ABCC9: variants seen among roughly 807,000 people sequenced by gnomAD.
ABCC9 encodes ATP-binding cassette sub-family C member 9.
ABCC9 carries 95 observed loss-of-function variants against 188.3 expected under a neutral mutation model. The ratio of observed to expected loss-of-function variants is 0.50; its 90% CI spans 0.43 to 0.60. The LOEUF is 0.60. ABCC9 is among the 20% of genes least tolerant of loss of function. ABCC9 has a pLI of 0.00. For synonymous variants in ABCC9, 659 were observed against 652.7 expected (o/e 1.01, Z -0.15); for missense variants, 1,102 against 1,876.3 (o/e 0.59, Z 7.62).
intron 34 of ABCC9, 31 bp downstream of exon 34, chr12:21,815,732 A>G (rs1565692277): frequency 1.2e-6 from 2 of 1,610,002 alleles, no homozygotes; most frequent in Non-Finnish European, 1.7e-6. Flanking sequence ...GGTTTTATGT[A>G]TACAACATAT....
At chr12:21,832,667 G>T (rs781452805) in intron 30 of ABCC9, among the ~76,000 whole-genome samples, 3 of 151,688 alleles carry the variant, frequency 2.0e-5, no homozygotes, top group Non-Finnish European at 4.4e-5. Context: ...CATTTACACT[G>T]CTAGTGGCAA....
At chr12:21,891,365 T>C (rs1162283791) in intron 14 of ABCC9, among the ~76,000 whole-genome samples, 1 of 151,512 alleles carries the variant, frequency 6.6e-6, no homozygotes, top group Non-Finnish European at 1.5e-5. Flanking sequence ...ATTTTATTAT[T>C]TTAGATAATA....
chr12:21,836,489 A>G (rs1944103543), intron 30 of ABCC9, among the ~76,000 whole-genome samples: 1 of 152,154 alleles, frequency 6.6e-6, no homozygotes, highest in Admixed American at 6.6e-5. Context: ...TATCTCCTGT[A>G]TCTGCCAGGT....
chr12:21,882,716 A>G, intron 16 of ABCC9, 50 bp downstream of exon 16: 1 of 1,474,776 alleles, frequency 6.8e-7, no homozygotes, highest in South Asian at 1.1e-5. Flanking sequence ...ACCATAAAAT[A>G]GTAACATAAA....
Position 21,895,284 on chromosome 12 carries a change from AG to A in ABCC9, c.1649del (p.Ala550ValfsTer7). The A allele has an allele frequency of 6.2e-7, 1 of 1,613,710 alleles. No individual in the cohort carries two copies. Among genetic ancestry groups the A allele is most frequent in the Non-Finnish European group, 8.5e-7 (1 of 1,179,636 alleles). ...AGAAAAAGTGTCTTACAGCAAGAAC[AG>A]CTGCTATGGGAATTGCTGCATTCAT... ...IFMNAAIPIA[A>X]VLATFVTHAY... On this transcript the variant is annotated frameshift_variant, in exon 13 of 40. Transcript: ENST00000261200. LOFTEE classifies it high-confidence loss of function.
At chr12:21,880,118 C>G (rs1376479806) in intron 16 of ABCC9, among the ~76,000 whole-genome samples, 5 of 151,114 alleles carry the variant, frequency 3.3e-5, no homozygotes, top group African/African-American at 1.2e-4. Context: ...TGATTTACTA[C>G]TAAATTTGGG....
chr12:21,857,615 T>G (rs541730290), intron 22 of ABCC9, among the ~76,000 whole-genome samples: 1 of 152,200 alleles, frequency 6.6e-6, no homozygotes, highest in Non-Finnish European at 1.5e-5. Context: ...CAGACAGGCT[T>G]AAACTAACTA....
intron 22 of ABCC9, among the ~76,000 whole-genome samples, chr12:21,858,661 G>A (rs1945350193): frequency 2.6e-5 from 4 of 152,140 alleles, no homozygotes; most frequent in Admixed American, 2.0e-4. Flanking sequence ...TTTTGAGGGG[G>A]AATAACTTTG....
intron 4 of ABCC9, among the ~76,000 whole-genome samples, 200 bp downstream of exon 4, chr12:21,933,582 G>A (rs1230214118): frequency 6.6e-6 from 1 of 152,064 alleles, no homozygotes; most frequent in Admixed American, 6.6e-5. Flanking sequence ...ATGTGTAAAT[G>A]TAGACAATCT....
At chr12:21,929,028 A>G (rs982251286) in intron 4 of ABCC9, among the ~76,000 whole-genome samples, 1 of 152,148 alleles carries the variant, frequency 6.6e-6, no homozygotes, top group African/African-American at 2.4e-5. Flanking sequence ...TCATTTTGAA[A>G]GACAGAAAAT....
chr12:21,836,891 A>G (rs554054409), intron 30 of ABCC9, among the ~76,000 whole-genome samples: 2 of 152,326 alleles, frequency 1.3e-5, no homozygotes, highest in South Asian at 4.1e-4. Flanking sequence ...CAAAGGAAAT[A>G]AAAAGGACAA....
chr12:21,858,422 A>T (rs189291895), intron 22 of ABCC9, among the ~76,000 whole-genome samples: 5 of 152,012 alleles, frequency 3.3e-5, no homozygotes, highest in Non-Finnish European at 7.4e-5. Flanking sequence ...AAAAATAAAA[A>T]AAAAAAAATA....
intron 15 of ABCC9, among the ~76,000 whole-genome samples, chr12:21,883,766 A>G (rs1946743326): frequency 1.3e-5 from 2 of 152,092 alleles, no homozygotes; most frequent in Admixed American, 6.5e-5. Context: ...TCATCAGGAG[A>G]TCCATAAGTC....
chr12:21,912,857 T>C lies in ABCC9; in HGVS notation c.1011+15A>G. The C allele has an allele frequency of 1.2e-6, 2 of 1,611,424 alleles. No homozygotes were observed. Among genetic ancestry groups the C allele is most frequent in the South Asian group, 2.2e-5 (2 of 90,990 alleles). On this transcript the variant is annotated intron_variant, in intron 8 of 39. Coordinates refer to ENST00000261200, the MANE Select transcript of ABCC9 (RefSeq NM_020297.4). ...ATCAATAATATGTTTCCATTGAAAATCACCAGGAACTTACTCCAGTTGTGT... is the reference window on the plus strand; with the variant it reads ...ATCAATAATATGTTTCCATTGAAAACCACCAGGAACTTACTCCAGTTGTGT...
At chr12:21,878,915 A>G (rs1254504154) in intron 16 of ABCC9, among the ~76,000 whole-genome samples, 3 of 152,176 alleles carry the variant, frequency 2.0e-5, no homozygotes, top group Admixed American at 2.0e-4. Context: ...GCAGGGTTAA[A>G]ATCCTGACTT....
chr12:21,830,644 T>C (rs1943701449), intron 30 of ABCC9, among the ~76,000 whole-genome samples: 2 of 152,226 alleles, frequency 1.3e-5, no homozygotes, highest in Admixed American at 1.3e-4. Flanking sequence ...ACGCTTGATA[T>C]CTATCCAATC....
chr12:21,804,507 C>T (rs1237839050), intron 39 of ABCC9, among the ~76,000 whole-genome samples: 1 of 152,154 alleles, frequency 6.6e-6, no homozygotes, highest in Non-Finnish European at 1.5e-5. Context: ...AATTCTTTTT[C>T]AAGTTAACCA....
chr12:21,905,075 A>G (rs1034733950), intron 12 of ABCC9, among the ~76,000 whole-genome samples: 8 of 152,240 alleles, frequency 5.3e-5, no homozygotes, highest in Non-Finnish European at 1.2e-4. Flanking sequence ...TGGCACATAT[A>G]TACCATGGAA....
At chr12:21,807,111 GTTGTGGCAAA>G (rs1486984327) in intron 38 of ABCC9, among the ~76,000 whole-genome samples, 3 of 152,098 alleles carry the variant, frequency 2.0e-5, no homozygotes, top group Non-Finnish European at 2.9e-5. Flanking sequence ...TTTTCAAAAA[GTTGTGGCAAA>G]TTTATTTTAT....
Sources: gnomAD v4.1 joint callset for allele counts (sites outside exome capture counted in the v4.1 genomes callset) on GRCh38, gnomAD v4.1.1 for gene constraint, MANE v1.5 for transcripts, NCBI Gene and HGNC (gene_info 2026-07-23, HGNC 2026-07-21) for gene names.